The following CEP15 variants were observed in gnomAD, a reference collection of about 807,000 sequenced individuals.
CEP15 encodes centrosomal protein 15 kDa.
the CEP15 span, chr3:62,333,377 G>C: frequency 6.2e-7 from 1 of 1,610,284 alleles, no homozygotes; most frequent in Non-Finnish European, 8.5e-7. This position sits in a 1 kb window ranked among gnomAD's most constrained non-coding sequence, Gnocchi z 4.0. Flanking sequence ...TTCAAAATGA[G>C]GCACAGCGAT....
chr3:62,324,838 C>A, the CEP15 span, among the ~76,000 whole-genome samples: 1 of 152,042 alleles, frequency 6.6e-6, no homozygotes, highest in African/African-American at 2.4e-5. Context: ...CATTATTTGA[C>A]CTTATTTAGA....
the CEP15 span, chr3:62,322,038 C>CCTTA: frequency 6.2e-7 from 1 of 1,605,170 alleles, no homozygotes; most frequent in African/African-American, 1.3e-5. The surrounding 1 kb of genome is among the most constrained non-coding windows in gnomAD (Gnocchi z 5.5). Context: ...TTAAAAGGAA[C>CCTTA]CTTAGTCTTT....
At chr3:62,320,515 A>T in the CEP15 span, 2 of 1,610,806 alleles carry the variant, frequency 1.2e-6, no homozygotes, top group African/African-American at 1.3e-5. Context: ...TCTAAAAGAC[A>T]TGAAGAAATG....
the CEP15 span, chr3:62,319,057 T>A: frequency 6.6e-6 from 1 of 152,008 alleles, no homozygotes; most frequent in East Asian, 1.9e-4. Context: ...GCGGGCTCGG[T>A]GAGTGGAGTC....
chr3:62,322,001 C>A, the CEP15 span: 16 of 1,610,844 alleles, frequency 9.9e-6, no homozygotes, highest in Non-Finnish European at 1.3e-5. The surrounding 1 kb of genome is among the most constrained non-coding windows in gnomAD (Gnocchi z 5.5). Flanking sequence ...GAAAAGGCAT[C>A]TCAACTCCAA....
chr3:62,322,189 A>G, the CEP15 span: 5 of 912,308 alleles, frequency 5.5e-6, no homozygotes, highest in Non-Finnish European at 8.3e-6. The surrounding 1 kb of genome is among the most constrained non-coding windows in gnomAD (Gnocchi z 5.5). Flanking sequence ...ATCTTTTTTA[A>G]AAGCCCATGT....
At chr3:62,322,047 T>G in the CEP15 span, 1 of 1,603,312 alleles carries the variant, frequency 6.2e-7, no homozygotes, top group East Asian at 2.2e-5. The surrounding 1 kb of genome is among the most constrained non-coding windows in gnomAD (Gnocchi z 5.5). Flanking sequence ...ACCTTAGTCT[T>G]TTAAAGGTAA....
chr3:62,331,914 G>T, the CEP15 span, among the ~76,000 whole-genome samples: 1 of 152,114 alleles, frequency 6.6e-6, no homozygotes, highest in Non-Finnish European at 1.5e-5. Flanking sequence ...ATATGAATAT[G>T]TTTGTGATGA....
chr3:62,323,520 C>T, the CEP15 span, among the ~76,000 whole-genome samples: 2 of 152,038 alleles, frequency 1.3e-5, no homozygotes, highest in Admixed American at 6.5e-5. Flanking sequence ...GAAGTTGAGA[C>T]TTGATATATA....
At chr3:62,333,998 G>A in the CEP15 span, 3 of 151,938 alleles carry the variant, frequency 2.0e-5, no homozygotes, top group Admixed American at 2.0e-4. The surrounding 1 kb of genome is among the most constrained non-coding windows in gnomAD (Gnocchi z 4.0). Context: ...ACTCAGACTT[G>A]GTTTTGAAAA....
chr3:62,331,410 T>C, the CEP15 span: 2 of 1,610,352 alleles, frequency 1.2e-6, no homozygotes, highest in Non-Finnish European at 1.7e-6. Context: ...GTGAGCATCT[T>C]AAGGAACAAA....
At chr3:62,323,745 C>T in the CEP15 span, 2 of 152,068 alleles carry the variant, frequency 1.3e-5, no homozygotes, top group Non-Finnish European at 2.9e-5. Flanking sequence ...TGAGAAACTT[C>T]AATTTGGTAT....
the CEP15 span, chr3:62,319,787 A>G: frequency 7.9e-5 from 12 of 152,350 alleles, no homozygotes; most frequent in African/African-American, 2.9e-4. Flanking sequence ...CCTTCAGAGC[A>G]TTTCACTAGA....
the CEP15 span, among the ~76,000 whole-genome samples, chr3:62,330,857 A>G: frequency 1.4e-4 from 22 of 152,190 alleles, no homozygotes; most frequent in Non-Finnish European, 2.8e-4. Flanking sequence ...AATGTGTGCC[A>G]TTGATACACT....
At chr3:62,320,159 G>C in the CEP15 span, among the ~76,000 whole-genome samples, 1 of 152,112 alleles carries the variant, frequency 6.6e-6, no homozygotes, top group East Asian at 1.9e-4. Flanking sequence ...TCAATAAAAC[G>C]TTTAGTAGTC....
At chr3:62,326,451 G>A in the CEP15 span, among the ~76,000 whole-genome samples, 5 of 152,148 alleles carry the variant, frequency 3.3e-5, no homozygotes, top group Non-Finnish European at 2.9e-5. Context: ...TTTATAGTGA[G>A]GTATTAGATT....
the CEP15 span, chr3:62,320,538 A>G: frequency 6.9e-6 from 11 of 1,596,914 alleles, no homozygotes; most frequent in East Asian, 9.0e-5. Flanking sequence ...AGTTTTTTTA[A>G]AGGGATGATT....
the CEP15 span, among the ~76,000 whole-genome samples, chr3:62,329,622 T>C: frequency 6.6e-6 from 1 of 152,162 alleles, no homozygotes; most frequent in Non-Finnish European, 1.5e-5. Flanking sequence ...GAGGTAACAG[T>C]CAAGTGTCTA....
chr3:62,320,608 A>C, the CEP15 span: 1 of 1,023,506 alleles, frequency 9.8e-7, no homozygotes, highest in Non-Finnish European at 1.5e-6. Context: ...GATGACTTAA[A>C]AATTTGCAAG....
Sources: gnomAD v4.1 joint callset for allele counts (sites outside exome capture counted in the v4.1 genomes callset) on GRCh38, gnomAD v4.1.1 for gene constraint, Gnocchi (gnomAD v3.1) non-coding constraint, MANE v1.5 for transcripts, NCBI Gene and HGNC (gene_info 2026-07-23, HGNC 2026-07-21) for gene names.